Variants in CREG1 observed in about 807,000 individuals in gnomAD.
CREG1 encodes the protein cellular repressor of E1A stimulated genes 1.
In CREG1, 20 loss-of-function variants were observed where a neutral mutation model predicts 19.9. The observed-to-expected ratio is 1.01, with a 90% CI of 0.71 to 1.46. The LOEUF is 1.46. CREG1 is among the 40% of genes most tolerant of loss of function. The probability of loss-of-function intolerance (pLI) is 0.00; values close to 1 mark genes in which losing one functional copy is unlikely to be tolerated. For missense variants in CREG1, 290 were observed against 314.9 expected, an observed-to-expected ratio of 0.92 and a Z score of 0.60; for synonymous variants, 141 against 143.3, an observed-to-expected ratio of 0.98 and a Z score of 0.12.
chr1:167,553,715 C>A lies in CREG1; in HGVS notation c.27G>T (p.Ala9=). The change falls in exon 1 of 4, where the codon GCG becomes GCT. Residue 9 remains alanine, a synonymous_variant. Coordinates refer to ENST00000370509, the MANE Select transcript of CREG1 (RefSeq NM_003851.3). ...CCAGCAGGGCGGCGAGCAGTGCGCGCGCGGACCCGCGGGATAGCCCGGCCA... is the reference window on the plus strand; with the variant it reads ...CCAGCAGGGCGGCGAGCAGTGCGCGAGCGGACCCGCGGGATAGCCCGGCCA... MAGLSRGS[A]RALLAALLAS... 3.1e-6 allele frequency: 4 copies of A among 1,294,212 alleles called. No homozygotes were observed. The highest frequency in any genetic ancestry group is 3.9e-6 in the Non-Finnish European group (4 of 1,026,120). The allele number at this position is 1,294,212 out of a possible 1,614,324, so 80.2% of individuals were successfully genotyped here.
intron 3 of CREG1, among the ~76,000 whole-genome samples, chr1:167,543,718 G>A (rs562917226): frequency 9.2e-5 from 14 of 152,324 alleles, no homozygotes; most frequent in Admixed American, 7.8e-4. Context: ...CGGTCAGAGC[G>A]GGCAGCTTTC....
chr1:167,550,056 C>T (rs1656398948), intron 1 of CREG1, among the ~76,000 whole-genome samples: 1 of 152,188 alleles, frequency 6.6e-6, no homozygotes, highest in Admixed American at 6.5e-5. Context: ...ATGGCGTGAT[C>T]TCAGCTCACT....
Position 167,553,473 on chromosome 1 carries a change from G to T in CREG1, c.269C>A (p.Ser90Ter), listed in dbSNP as rs982246929. 6.7e-7 allele frequency: 1 copy of T among 1,486,624 alleles called. No homozygotes were observed. The allele number at this position is 1,486,624 out of a possible 1,614,324, so 92.1% of individuals were successfully genotyped here. A position where few individuals can be genotyped will look rare whatever the true frequency, so the allele number is the denominator to read the frequency against. ...VRGRPFADVL[S>*]LSDGPPGAGS... ...CGCGCCCGGGGGCCCGTCGCTGAGC[G>T]AGAGGACGTCGGCGAAGGGCCGGCC... The change falls in exon 1 of 4, where the codon TCG becomes TAG. Residue 90 changes from serine to a stop codon, truncating the protein, a stop_gained. Coordinates refer to ENST00000370509, the MANE Select transcript of CREG1 (RefSeq NM_003851.3). LOFTEE classifies it high-confidence loss of function.
chr1:167,548,168 G>A lies in CREG1; in HGVS notation c.355-47C>T, dbSNP rs764467815. ...CCTCTCATGTGAAATATGGTTTCTG[G>A]AGAGGTAATAAATTTCAAAAGTTGC... is the stretch of plus-strand genomic sequence containing the variant. On this transcript the variant is annotated intron_variant, in intron 1 of 3. Transcript: ENST00000370509. The A allele has an allele frequency of 2.6e-6, 4 of 1,532,744 alleles. 1 individual carries two copies. Among genetic ancestry groups the A allele is most frequent in the Non-Finnish European group, 3.6e-6 (4 of 1,117,598 alleles). 94.9% of individuals were successfully genotyped at this position (1,532,744 alleles called of 1,614,324 possible). A position where few individuals can be genotyped will look rare whatever the true frequency, so the allele number is the denominator to read the frequency against.
In CREG1 at chr1:167,553,649, A is replaced by AC; in HGVS notation, c.92dup (p.Arg32SerfsTer110). 1 of 1,337,952 alleles carries AC rather than the reference A, an allele frequency of 7.5e-7. No individual in the cohort carries two copies. The allele number at this position is 1,337,952 out of a possible 1,614,324, so 82.9% of individuals were successfully genotyped here. On this transcript the variant is annotated frameshift_variant, in exon 1 of 4. Coordinates refer to ENST00000370509, the MANE Select transcript of CREG1 (RefSeq NM_003851.3). LOFTEE classifies it high-confidence loss of function. The stretch of plus-strand genomic sequence containing the variant: ...AGTCCCCGTGGTCCCGGCCGCCGCG[A>AC]CCCCGCGCGGGCGACACGAGCAGCG...
intron 2 of CREG1, among the ~76,000 whole-genome samples, chr1:167,547,064 C>T (rs982355171): frequency 6.6e-6 from 1 of 152,210 alleles, no homozygotes; most frequent in African/African-American, 2.4e-5. Flanking sequence ...CACTCAACTA[C>T]AGAGATGCAT....
At chr1:167,544,760 G>A (rs989668592) in intron 3 of CREG1, among the ~76,000 whole-genome samples, 10 of 152,280 alleles carry the variant, frequency 6.6e-5, no homozygotes, top group South Asian at 2.1e-4. Context: ...TACCTGTTGC[G>A]GTGGAAGGTT....
intron 1 of CREG1, among the ~76,000 whole-genome samples, chr1:167,550,634 A>C (rs1476225484): frequency 1.3e-5 from 2 of 152,220 alleles, no homozygotes; most frequent in Non-Finnish European, 2.9e-5. Context: ...TTCCACTAAC[A>C]GAAATGCAGA....
chr1:167,550,155 A>C (rs1215437086), intron 1 of CREG1, among the ~76,000 whole-genome samples: 1 of 151,950 alleles, frequency 6.6e-6, no homozygotes, highest in African/African-American at 2.4e-5. Flanking sequence ...ATACCCAGTT[A>C]ATTTTTGTAT....
chr1:167,541,506 AG>A lies in CREG1; in HGVS notation c.*791del, dbSNP rs1656222694. The A allele has an allele frequency of 6.6e-6, 1 of 152,358 alleles. No homozygotes were observed. The highest frequency in any genetic ancestry group is 1.5e-5 in the Non-Finnish European group (1 of 68,036). 9.4% of individuals were successfully genotyped at this position (152,358 alleles called of 1,614,324 possible). A position where few individuals can be genotyped will look rare whatever the true frequency, so the allele number is the denominator to read the frequency against. Reference sequence around the variant, plus strand: ...TAAACTTTACTTATAAAAGAATACCAGGAACACACAAAATATTCTTCTCCTC... The same window carrying A: ...TAAACTTTACTTATAAAAGAATACCAGAACACACAAAATATTCTTCTCCTC... On this transcript the variant is annotated 3_prime_UTR_variant, in exon 4 of 4. Coordinates refer to ENST00000370509, the MANE Select transcript of CREG1 (RefSeq NM_003851.3).
intron 2 of CREG1, among the ~76,000 whole-genome samples, chr1:167,547,713 G>T (rs1656353799): frequency 6.6e-6 from 1 of 152,120 alleles, no homozygotes. Context: ...TTGAGGTCAG[G>T]AGTTCAAGAC....
Position 167,553,732 on chromosome 1 carries a change from G to A in CREG1, c.10C>T (p.Leu4=), listed in dbSNP as rs1377019518. The change falls in exon 1 of 4, where the codon CTA becomes TTA. Residue 4 remains leucine (L), a synonymous_variant. Transcript: ENST00000370509. MAG[L]SRGSARALLA... ...AGTGCGCGCGCGGACCCGCGGGATA[G>A]CCCGGCCATGGCGGTGTCTCCAGGA... The A allele has an allele frequency of 1.6e-6, 2 of 1,284,160 alleles. No individual in the cohort carries two copies. The highest frequency in any genetic ancestry group is 2.6e-5 in the South Asian group (1 of 38,808). 79.5% of individuals were successfully genotyped at this position (1,284,160 alleles called of 1,614,324 possible).
In CREG1 at chr1:167,546,233, G is replaced by C; in HGVS notation, c.527C>G (p.Pro176Arg). Residue 176 changes from proline to arginine, a missense_variant, in exon 3 of 4, where the codon CCT becomes CGT. Pro to Arg is a moderately radical substitution (Grantham distance 103). Coordinates refer to ENST00000370509, the MANE Select transcript of CREG1 (RefSeq NM_003851.3). ...GCTGGAAGGCCAGGTTTTCATCTCA[G>C]GGTGTCGAATGAATAACGAATGCTT... ...IAKHSLFIRH[P>R]EMKTWPSSHN... is the part of the protein sequence containing the mutation. 6.2e-7 allele frequency: 1 copy of C among 1,612,196 alleles called. No individual in the cohort carries two copies. Among genetic ancestry groups the C allele is most frequent in the South Asian group, 1.1e-5 (1 of 90,772 alleles).
rs566221599 is a variant in CREG1, at chr1:167,553,642, C to T, written c.100G>A (p.Gly34Ser). The T allele has an allele frequency of 2.2e-6, 3 of 1,343,850 alleles. No homozygotes were observed. Among genetic ancestry groups the T allele is most frequent in the Admixed American group, 7.7e-5 (2 of 26,138 alleles). The allele number at this position is 1,343,850 out of a possible 1,614,324, so 83.2% of individuals were successfully genotyped here. A position where few individuals can be genotyped will look rare whatever the true frequency, so the allele number is the denominator to read the frequency against. Residue 34 changes from glycine to serine, a missense_variant, in exon 1 of 4, where the codon GGC (glycine) becomes AGC (serine). Gly to Ser is a moderately conservative substitution (Grantham distance 56). Transcript: ENST00000370509. The stretch of plus-strand genomic sequence containing the variant: ...TCGTCCCAGTCCCCGTGGTCCCGGC[C>T]GCCGCGACCCCGCGCGGGCGACACG... ...LLVSPARGRGGRDHGDWDEAS... is the reference protein window; with the variant it reads ...LLVSPARGRGSRDHGDWDEAS...
At position 167,553,589 on chromosome 1, in the gene CREG1, G is replaced by T. The variant is rs1656468483; in HGVS notation, c.153C>A (p.Pro51=). 1.4e-6 allele frequency: 2 copies of T among 1,423,092 alleles called. No homozygotes were observed. The highest frequency in any genetic ancestry group is 3.0e-5 in the African/African-American group (2 of 67,074). 88.2% of individuals were successfully genotyped at this position (1,423,092 alleles called of 1,614,324 possible). The part of the protein sequence containing the change: ...DEASRLPPLP[P]REDAARVARF... ...GGGCCACGCGCGCCGCGTCCTCGCGGGGTGGTAGCGGCGGCAGCCGGGAGG... is the reference window on the plus strand; with the variant it reads ...GGGCCACGCGCGCCGCGTCCTCGCGTGGTGGTAGCGGCGGCAGCCGGGAGG... The change falls in exon 1 of 4, where the codon CCC becomes CCA. Residue 51 remains proline (P), a synonymous_variant. Coordinates refer to ENST00000370509, the MANE Select transcript of CREG1 (RefSeq NM_003851.3).
At chr1:167,545,682 G>C (rs2982475) in intron 3 of CREG1, among the ~76,000 whole-genome samples, 23,556 of 151,956 alleles carry the variant, frequency 0.16, 2,314 homozygotes, top group East Asian at 0.28. Context: ...GTCTATGCCT[G>C]TATTCCCAGC....
At chr1:167,549,741 G>A (rs769043151) in intron 1 of CREG1, among the ~76,000 whole-genome samples, 1 of 152,140 alleles carries the variant, frequency 6.6e-6, no homozygotes, top group South Asian at 2.1e-4. Flanking sequence ...ACCCAGTGCA[G>A]TGGCACAATC....
At position 167,543,030 on chromosome 1, in the gene CREG1, G is replaced by A. The variant is rs138157235; in HGVS notation, c.660-729C>T. ...TGGGAGGCCGAGGCGGGCAGATCAC[G>A]AGGTCAGGAGATTGAGACCATCCTG... On this transcript the variant is annotated intron_variant, in intron 3 of 3. Coordinates refer to ENST00000370509, the MANE Select transcript of CREG1 (RefSeq NM_003851.3). Among the ~76,000 whole-genome samples, 1,333 of 152,132 alleles carry A rather than the reference G, an allele frequency of 8.8e-3. 16 individuals are homozygous for A. The highest frequency in any genetic ancestry group is 0.03 in the African/African-American group (1,248 of 41,488).
chr1:167,550,843 A>G (rs984319907), intron 1 of CREG1, among the ~76,000 whole-genome samples: 3 of 152,188 alleles, frequency 2.0e-5, no homozygotes, highest in Admixed American at 6.5e-5. Context: ...GAGTGTATAC[A>G]ATCTTCTGAG....
Sources: gnomAD v4.1 joint callset for allele counts (sites outside exome capture counted in the v4.1 genomes callset) on GRCh38, gnomAD v4.1.1 for gene constraint, MANE v1.5 for transcripts, NCBI Gene and HGNC (gene_info 2026-07-23, HGNC 2026-07-21) for gene names.